The following CHN1 variants were observed in gnomAD, a reference collection of about 807,000 sequenced individuals.
CHN1 encodes N-chimaerin.
Under a neutral mutation model 59.5 loss-of-function variants are expected in CHN1, and 37 were observed. The observed-to-expected ratio is 0.62, with a 90% CI of 0.48 to 0.82. CHN1 has a LOEUF of 0.82. Among genes scored for constraint, CHN1 ranks in the 40% least tolerant of loss-of-function variants. CHN1 has a pLI of 0.00. For synonymous variants in CHN1, 206 were observed against 200.4 expected, an observed-to-expected ratio of 1.03 and a Z score of -0.24; for missense variants, 469 against 571.0, an observed-to-expected ratio of 0.82 and a Z score of 1.82.
chr2:174,865,241 T>C (rs1687182822), intron 6 of CHN1, among the ~76,000 whole-genome samples: 1 of 152,214 alleles, frequency 6.6e-6, no homozygotes, highest in East Asian at 1.9e-4. Flanking sequence ...TAATGGCCCA[T>C]CTGAACCATG....
At chr2:174,950,777 G>A (rs949871929) in intron 2 of CHN1, among the ~76,000 whole-genome samples, 1 of 127,304 alleles carries the variant, frequency 7.9e-6, no homozygotes, top group Non-Finnish European at 1.6e-5. Flanking sequence ...ATGCAGAGAA[G>A]TTTTTTTTTT....
chr2:174,983,709 T>G (rs988718563), intron 1 of CHN1, among the ~76,000 whole-genome samples: 1 of 152,194 alleles, frequency 6.6e-6, no homozygotes, highest in Admixed American at 6.5e-5. Context: ...GCGCCTGTAG[T>G]CCCAGCTGCT....
At chr2:174,979,913 T>C (rs1435448718) in intron 1 of CHN1, among the ~76,000 whole-genome samples, 2 of 151,622 alleles carry the variant, frequency 1.3e-5, no homozygotes, top group Admixed American at 6.6e-5. Context: ...AACAAAAAGA[T>C]GTACACAGTA....
chr2:174,870,718 T>C (rs2105464870), intron 6 of CHN1, among the ~76,000 whole-genome samples: 1 of 152,364 alleles, frequency 6.6e-6, no homozygotes, highest in East Asian at 1.9e-4. Context: ...TGATTCCTTT[T>C]GAAAAGTTTG....
At chr2:174,923,251 C>T (rs1029865260) in intron 3 of CHN1, among the ~76,000 whole-genome samples, 1 of 152,102 alleles carries the variant, frequency 6.6e-6, no homozygotes, top group African/African-American at 2.4e-5. Flanking sequence ...CGCCATTCTC[C>T]TGCCTCAGCC....
intron 7 of CHN1, among the ~76,000 whole-genome samples, chr2:174,844,022 TTAAAA>T (rs928126478): frequency 4.6e-5 from 7 of 152,040 alleles, no homozygotes; most frequent in African/African-American, 7.2e-5. Flanking sequence ...GAGGTAGCTC[TTAAAA>T]TAAGAGGTTG....
chr2:174,965,873 C>A (rs996231846), intron 1 of CHN1, among the ~76,000 whole-genome samples: 5 of 152,134 alleles, frequency 3.3e-5, no homozygotes, highest in Non-Finnish European at 7.4e-5. Context: ...GAAACAAGGG[C>A]ATAAACAGTA....
chr2:174,853,526 A>C (rs182085112), intron 6 of CHN1, among the ~76,000 whole-genome samples: 98 of 152,314 alleles, frequency 6.4e-4, no homozygotes, highest in Middle Eastern at 3.4e-3. Flanking sequence ...GCCACTGTGG[A>C]AAGCAGTTTG....
chr2:174,847,049 T>C (rs1558950314), intron 6 of CHN1, 92 bp from the exon 7 acceptor site: 1 of 1,551,652 alleles, frequency 6.4e-7, no homozygotes. Flanking sequence ...TATCAATAAA[T>C]CTTGCTGACG....
At chr2:174,936,211 T>A (rs1689490408) in intron 3 of CHN1, among the ~76,000 whole-genome samples, 1 of 152,152 alleles carries the variant, frequency 6.6e-6, no homozygotes. Flanking sequence ...CAACACTAAC[T>A]TGAAAAATGT....
chr2:175,002,105 A>C (rs577948379), intron 1 of CHN1, among the ~76,000 whole-genome samples: 1 of 152,356 alleles, frequency 6.6e-6, no homozygotes, highest in East Asian at 1.9e-4. Flanking sequence ...GCTGTGACAG[A>C]TGTTTGCTGA....
chr2:174,821,905 A>C (rs1372306610), intron 8 of CHN1: 1 of 271,338 alleles, frequency 3.7e-6, no homozygotes, highest in African/African-American at 2.3e-5. Flanking sequence ...TCGTGCCATG[A>C]AAGGAACAAG....
At chr2:174,936,554 C>T (rs1558988919) in intron 3 of CHN1, among the ~76,000 whole-genome samples, 1 of 151,994 alleles carries the variant, frequency 6.6e-6, no homozygotes, top group Non-Finnish European at 1.5e-5. Flanking sequence ...CAACCAAGTG[C>T]TTAACATGAA....
intron 1 of CHN1, among the ~76,000 whole-genome samples, chr2:174,965,401 A>T (rs1271878750): frequency 6.6e-6 from 1 of 152,170 alleles, no homozygotes; most frequent in Non-Finnish European, 1.5e-5. Context: ...AACGTTTTAC[A>T]AGTTAAACAG....
chr2:174,916,171 C>G (rs892590026), intron 4 of CHN1, among the ~76,000 whole-genome samples: 3 of 152,146 alleles, frequency 2.0e-5, no homozygotes, highest in African/African-American at 7.2e-5. Flanking sequence ...GACTAAAAGT[C>G]GACAACACAT....
At chr2:174,965,346 C>G (rs1690561942) in intron 1 of CHN1, among the ~76,000 whole-genome samples, 1 of 151,876 alleles carries the variant, frequency 6.6e-6, no homozygotes, top group African/African-American at 2.4e-5. Context: ...CTTATGCATT[C>G]TTTGGTTTAG....
At chr2:174,866,963 TTAAA>T (rs1416777875) in intron 6 of CHN1, among the ~76,000 whole-genome samples, 6 of 152,032 alleles carry the variant, frequency 3.9e-5, no homozygotes, top group Non-Finnish European at 8.8e-5. Context: ...TTTTAGCGCA[TTAAA>T]TATTCTGGAA....
chr2:174,931,553 GGAA>G (rs1300302482), intron 3 of CHN1, among the ~76,000 whole-genome samples: 1 of 152,142 alleles, frequency 6.6e-6, no homozygotes, highest in Non-Finnish European at 1.5e-5. Context: ...CAGGAACCTG[GGAA>G]ATACTGATAA....
chr2:174,893,857 C>A (rs1210255275), intron 5 of CHN1, among the ~76,000 whole-genome samples: 1 of 151,700 alleles, frequency 6.6e-6, no homozygotes, highest in African/African-American at 2.4e-5. Flanking sequence ...ACAAGAGTAC[C>A]AAGACTACAC....
Sources: gnomAD v4.1 joint callset for allele counts (sites outside exome capture counted in the v4.1 genomes callset) on GRCh38, gnomAD v4.1.1 for gene constraint, MANE v1.5 for transcripts, NCBI Gene and HGNC (gene_info 2026-07-23, HGNC 2026-07-21) for gene names.